DOCK5: variants seen among roughly 807,000 people sequenced by gnomAD.
DOCK5 encodes the protein dedicator of cytokinesis 5.
A neutral mutation model predicts 251.8 loss-of-function variants in DOCK5; 142 were observed. The observed-to-expected ratio is 0.56, with a 90% CI of 0.49 to 0.65. The LOEUF is 0.65. Among genes scored for constraint, DOCK5 ranks in the 30% least tolerant of loss-of-function variants. The pLI is 0.00. For missense variants in DOCK5, 2,111 were observed against 2,312.3 expected, an observed-to-expected ratio of 0.91 and a Z score of 1.79; for synonymous variants, 842 against 835.5, an observed-to-expected ratio of 1.01 and a Z score of -0.13.
At chr8:25,231,617 C>T (rs1802670533) in intron 1 of DOCK5, among the ~76,000 whole-genome samples, 1 of 152,140 alleles carries the variant, frequency 6.6e-6, no homozygotes, top group Non-Finnish European at 1.5e-5. Flanking sequence ...TATAGATAAT[C>T]ATGGTATTTG....
At chr8:25,278,910 GT>G (rs933326301) in intron 5 of DOCK5, among the ~76,000 whole-genome samples, 2 of 152,208 alleles carry the variant, frequency 1.3e-5, no homozygotes, top group African/African-American at 4.8e-5. Flanking sequence ...CATGCTGATT[GT>G]GAAAGTACTA....
intron 48 of DOCK5, among the ~76,000 whole-genome samples, chr8:25,405,944 T>G (rs1435107292): frequency 6.6e-6 from 1 of 152,134 alleles, no homozygotes; most frequent in African/African-American, 2.4e-5. Context: ...CAAAAAAGTA[T>G]GTTTATTTTT....
At chr8:25,372,154 CAT>C (rs1800884494) in intron 34 of DOCK5, among the ~76,000 whole-genome samples, 1 of 152,154 alleles carries the variant, frequency 6.6e-6, no homozygotes, top group African/African-American at 2.4e-5. Flanking sequence ...AGAATAAAGA[CAT>C]AGGAAAAATG....
At position 25,302,939 on chromosome 8, in the gene DOCK5, T is replaced by C. The variant is rs190906173; in HGVS notation, c.976+485T>C. ...GAATGGGGAGTTAGTGTTTAATGGG[T>C]ACGGAGTTTCCATTTGGGAAGATGA... On this transcript the variant is annotated intron_variant, in intron 10 of 51. Coordinates refer to ENST00000276440, the MANE Select transcript of DOCK5 (RefSeq NM_024940.8). Among the ~76,000 whole-genome samples, 14 of 152,236 alleles carry C rather than the reference T, an allele frequency of 9.2e-5. No individual in the cohort carries two copies. The East Asian group carries it at 2.7e-3, about 29-fold the overall frequency.
In DOCK5 at chr8:25,402,294, AT is replaced by A. The variant is rs1053308725; in HGVS notation, c.4926+1237del. 1.6e-3 allele frequency among the ~76,000 whole-genome samples: 241 copies of A among 150,528 alleles called. 1 individual carries two copies. The highest frequency in any genetic ancestry group is 5.6e-3 in the African/African-American group (230 of 41,020). On this transcript the variant is annotated intron_variant, in intron 47 of 51. Transcript: ENST00000276440. ...AGGTGTGCTCCACCACACCCAGCTA[AT>A]TTTTTTTTGTTTGTTTTTTGAGACA...
chr8:25,315,309 T>C (rs1805214390), intron 13 of DOCK5, among the ~76,000 whole-genome samples: 1 of 151,678 alleles, frequency 6.6e-6, no homozygotes, highest in Non-Finnish European at 1.5e-5. Flanking sequence ...AAAGGAAAGA[T>C]TCCCATACCC....
chr8:25,293,777 G>A (rs980952289), intron 6 of DOCK5, among the ~76,000 whole-genome samples: 8 of 152,118 alleles, frequency 5.3e-5, no homozygotes, highest in African/African-American at 1.9e-4. Context: ...GCTGAGGTGG[G>A]CAGATCACCA....
At chr8:25,216,049 A>G (rs1032620382) in intron 1 of DOCK5, among the ~76,000 whole-genome samples, 1 of 151,838 alleles carries the variant, frequency 6.6e-6, no homozygotes, top group African/African-American at 2.4e-5. Context: ...TACAATATGT[A>G]TATATGTATA....
At position 25,299,062 on chromosome 8, in the gene DOCK5, T is replaced by G; in HGVS notation, c.725T>G (p.Phe242Cys). 1 of 1,613,872 alleles carries G rather than the reference T, an allele frequency of 6.2e-7. No individual in the cohort carries two copies. Among genetic ancestry groups the G allele is most frequent in the Non-Finnish European group, 8.5e-7 (1 of 1,179,852 alleles). Reference sequence around the variant, plus strand: ...AACATCGGGGAAGATGCAGAGTTGTTTATGGCCCTCTACGACCCAGACCAG... The same window carrying G: ...AACATCGGGGAAGATGCAGAGTTGTGTATGGCCCTCTACGACCCAGACCAG... ...VCNIGEDAEL[F>C]MALYDPDQST... The change falls in exon 8 of 52, where the codon TTT (phenylalanine) becomes TGT (cysteine). Residue 242 changes from phenylalanine (F) to cysteine (C), a missense_variant. This residue lies in a region of DOCK5 where 335 missense variants were observed against 324.9 expected (regional missense o/e 1.03). Coordinates refer to ENST00000276440, the MANE Select transcript of DOCK5 (RefSeq NM_024940.8).
intron 34 of DOCK5, among the ~76,000 whole-genome samples, chr8:25,370,891 G>A (rs1483504480): frequency 1.3e-5 from 2 of 152,142 alleles, no homozygotes; most frequent in African/African-American, 4.8e-5. Context: ...CAATCCTCCA[G>A]CCTCGGCTTC....
At chr8:25,388,204 G>T (rs2117314286) in intron 40 of DOCK5, among the ~76,000 whole-genome samples, 1 of 152,278 alleles carries the variant, frequency 6.6e-6, no homozygotes, top group East Asian at 1.9e-4. Flanking sequence ...GATCACCATT[G>T]TATTCCTGTT....
rs751789186 is a variant in DOCK5 at position 25,410,220 on chromosome 8, G to A, written c.5508+18G>A. 1 of 1,607,564 alleles carries A rather than the reference G, an allele frequency of 6.2e-7. No individual in the cohort carries two copies. The highest frequency in any genetic ancestry group is 8.5e-7 in the Non-Finnish European group (1 of 1,175,100). ...CCACTGAGGTAGGGAAATCACAGCTGGCAACTGTGGCCAGGGAGCGCCACT... is the reference window on the plus strand; with the variant it reads ...CCACTGAGGTAGGGAAATCACAGCTAGCAACTGTGGCCAGGGAGCGCCACT... On this transcript the variant is annotated intron_variant, in intron 51 of 51. Transcript: ENST00000276440.
At chr8:25,218,353 G>A (rs1040456110) in intron 1 of DOCK5, among the ~76,000 whole-genome samples, 2 of 152,182 alleles carry the variant, frequency 1.3e-5, no homozygotes, top group South Asian at 2.1e-4. Flanking sequence ...TGCAGGGCCC[G>A]GGGTGGCCGC....
chr8:25,412,560 T>G lies in DOCK5; in HGVS notation c.*1262T>G, dbSNP rs566705667. ...TAGAAGACAACTCTGACAGACTCTT[T>G]AATATTTACCCCTGGTTGGAACAAT... On this transcript the variant is annotated 3_prime_UTR_variant, in exon 52 of 52. Coordinates refer to ENST00000276440, the MANE Select transcript of DOCK5 (RefSeq NM_024940.8). The G allele has an allele frequency of 6.6e-6, 1 of 152,352 alleles. No individual in the cohort carries two copies. The highest frequency in any genetic ancestry group is 2.4e-5 in the African/African-American group (1 of 41,564). The allele number at this position is 152,352 out of a possible 1,614,324, so 9.4% of individuals were successfully genotyped here. A position where few individuals can be genotyped will look rare whatever the true frequency, so the allele number is the denominator to read the frequency against.
chr8:25,400,099 C>CT (rs1182294705), intron 46 of DOCK5, 105 bp downstream of exon 46: 3 of 874,222 alleles, frequency 3.4e-6, no homozygotes, highest in Non-Finnish European at 5.4e-6. Flanking sequence ...ACTTTTCTTT[C>CT]TTTTTTTAAC....
chr8:25,332,866 A>G lies in DOCK5; in HGVS notation c.2091+174A>G, dbSNP rs142827167. ...GTACTATTAGAAACAAATGACTTAT[A>G]TTTCAGGCCTTTGTTTGTTTCCTGT... On this transcript the variant is annotated intron_variant, in intron 20 of 51. Transcript: ENST00000276440. Among the ~76,000 whole-genome samples, 666 of 152,328 alleles carry G rather than the reference A, an allele frequency of 4.4e-3. 5 individuals carry two copies. Among genetic ancestry groups the G allele is most frequent in the African/African-American group, 0.015 (632 of 41,576 alleles).
intron 4 of DOCK5, among the ~76,000 whole-genome samples, chr8:25,276,246 G>A (rs1804041282): frequency 6.6e-6 from 1 of 152,124 alleles, no homozygotes; most frequent in Non-Finnish European, 1.5e-5. Context: ...GCATATTAGG[G>A]GAAACAATCT....
At chr8:25,349,375 C>T (rs1416676284) in intron 26 of DOCK5, among the ~76,000 whole-genome samples, 1 of 152,118 alleles carries the variant, frequency 6.6e-6, no homozygotes, top group Non-Finnish European at 1.5e-5. Flanking sequence ...GTTTAAAGAA[C>T]TAAAAGTAGA....
At position 25,382,730 on chromosome 8, in the gene DOCK5, A is replaced by G; in HGVS notation, c.4083A>G (p.Glu1361=). The G allele has an allele frequency of 1.2e-6, 2 of 1,613,746 alleles. No homozygotes were observed. The highest frequency in any genetic ancestry group is 1.3e-5 in the African/African-American group (1 of 75,038). ...TTAAGGCAATGAGGCCTCAGCCTGA[A>G]TACTTTGCTGTTGGATACTATGGAC... is the stretch of plus-strand genomic sequence containing the variant. The part of the protein sequence containing the change: ...NIIKAMRPQP[E]YFAVGYYGQG... Residue 1361 remains glutamate, a synonymous_variant, in exon 40 of 52, where the codon GAA becomes GAG. Coordinates refer to ENST00000276440, the MANE Select transcript of DOCK5 (RefSeq NM_024940.8).
Sources: allele counts gnomAD v4.1 joint callset (sites outside exome capture counted in the v4.1 genomes callset), GRCh38; gene constraint gnomAD v4.1.1; regional missense constraint gnomAD v4.1.1; transcripts MANE v1.5; gene names NCBI Gene and HGNC (gene_info 2026-07-23, HGNC 2026-07-21).